The following CBLB variants were observed in gnomAD, a reference collection of about 807,000 sequenced individuals.
CBLB encodes the protein E3 ubiquitin-protein ligase CBL-B.
In CBLB, 31 loss-of-function variants were observed where a neutral mutation model predicts 104.9. That is an observed-to-expected ratio of 0.30 (90% CI 0.22 to 0.40). The LOEUF (loss-of-function observed/expected upper bound fraction) is 0.40. CBLB is among the 10% of genes least tolerant of loss of function. The pLI is 1.00. For synonymous variants in CBLB, 440 were observed against 422.6 expected, an observed-to-expected ratio of 1.04 and a Z score of -0.51; for missense variants, 1,062 against 1,214.6, an observed-to-expected ratio of 0.87 and a Z score of 1.87.
chr3:105,764,584 C>T (rs1465855496), intron 4 of CBLB, among the ~76,000 whole-genome samples: 1 of 152,098 alleles, frequency 6.6e-6, no homozygotes, highest in South Asian at 2.1e-4. Context: ...TTCCCTAAGA[C>T]ACAACAACAC....
At position 105,789,038 on chromosome 3, in the gene CBLB, A is replaced by G. The variant is rs76540356; in HGVS notation, c.420-12496T>C. ...TAGCATCCCAACCAACATTATATGA[A>G]GCAGAAAAAACATTCGGTAAACCCA... On this transcript the variant is annotated intron_variant, in intron 3 of 18. Transcript: ENST00000394030. Among the ~76,000 whole-genome samples the G allele has an allele frequency of 2.8e-3, 431 of 152,340 alleles. 3 individuals carry two copies. The highest frequency in any genetic ancestry group is 0.01 in the African/African-American group (420 of 41,568).
chr3:105,781,629 T>G (rs2080267182), intron 3 of CBLB, among the ~76,000 whole-genome samples: 1 of 152,230 alleles, frequency 6.6e-6, no homozygotes, highest in Admixed American at 6.5e-5. Flanking sequence ...ACACAAAGAA[T>G]GTAATCTAAT....
chr3:105,663,906 G>A (rs202182530), intron 18 of CBLB, among the ~76,000 whole-genome samples: 10 of 142,992 alleles, frequency 7.0e-5, no homozygotes, highest in Admixed American at 7.0e-5. Flanking sequence ...AGCTTATTAG[G>A]AAAAAAAAAA....
intron 3 of CBLB, among the ~76,000 whole-genome samples, chr3:105,800,505 G>A (rs530326075): frequency 6.6e-6 from 1 of 152,106 alleles, no homozygotes; most frequent in Non-Finnish European, 1.5e-5. Flanking sequence ...TTAAGAGCTC[G>A]CCAGATGATT....
In CBLB at chr3:105,685,518, G is replaced by A. The variant is rs368888690; in HGVS notation, c.2055-52C>T. 2.2e-5 allele frequency: 33 copies of A among 1,470,498 alleles called. No homozygotes were observed. In the South Asian group the frequency reaches 3.7e-4, roughly 17 times the overall value. The allele number at this position is 1,470,498 out of a possible 1,614,324, so 91.1% of individuals were successfully genotyped here. A position where few individuals can be genotyped will look rare whatever the true frequency, so the allele number is the denominator to read the frequency against. ...AGTTTAAGCATAATATTCAAAACAG[G>A]CAAGTCTGATGTGACATATTCAAGT... is the stretch of plus-strand genomic sequence containing the variant. On this transcript the variant is annotated intron_variant, in intron 13 of 18. Coordinates refer to ENST00000394030, the MANE Select transcript of CBLB (RefSeq NM_170662.5).
At chr3:105,713,939 G>T (rs1261169519) in intron 10 of CBLB, among the ~76,000 whole-genome samples, 1 of 152,038 alleles carries the variant, frequency 6.6e-6, no homozygotes, top group Non-Finnish European at 1.5e-5. Flanking sequence ...CCATCCTTTA[G>T]TCATTGCAAA....
rs191325435 is a variant in CBLB at position 105,804,705 on chromosome 3, T to G, written c.420-28163A>C. 7.7e-4 allele frequency among the ~76,000 whole-genome samples: 117 copies of G among 152,250 alleles called. 1 individual carries two copies. Among genetic ancestry groups the G allele is most frequent in the Admixed American group, 2.6e-3 (39 of 15,280 alleles). ...AAATTACCTGTACTTACATGATACT[T>G]CTGTTGGATACTGTTGTCCTTAAAG... On this transcript the variant is annotated intron_variant, in intron 3 of 18. Transcript: ENST00000394030.
At chr3:105,751,315 A>C (rs1221563469) in intron 5 of CBLB, 147 bp downstream of exon 5, 1 of 714,996 alleles carries the variant, frequency 1.4e-6, no homozygotes, top group Non-Finnish European at 2.5e-6. Context: ...ATACCAATAA[A>C]ATTACAGACT....
At chr3:105,766,289 G>C (rs1452478683) in intron 4 of CBLB, among the ~76,000 whole-genome samples, 1 of 152,176 alleles carries the variant, frequency 6.6e-6, no homozygotes, top group African/African-American at 2.4e-5. Flanking sequence ...TGAAGATGCT[G>C]TGAACACTGC....
chr3:105,712,895 C>A (rs1057340428), intron 10 of CBLB, among the ~76,000 whole-genome samples: 6 of 152,088 alleles, frequency 3.9e-5, no homozygotes, highest in African/African-American at 1.4e-4. Context: ...TAAAAGAAAA[C>A]CTTCCATAGA....
intron 5 of CBLB, among the ~76,000 whole-genome samples, chr3:105,747,090 G>A (rs573019233): frequency 6.6e-6 from 1 of 152,100 alleles, no homozygotes; most frequent in Non-Finnish European, 1.5e-5. Flanking sequence ...CTGATTAGTT[G>A]TCTCTCCAGT....
At chr3:105,783,120 C>G (rs567129904) in intron 3 of CBLB, among the ~76,000 whole-genome samples, 1 of 152,150 alleles carries the variant, frequency 6.6e-6, no homozygotes, top group Admixed American at 6.5e-5. Flanking sequence ...TTTCTAGTAT[C>G]TTACATATTG....
intron 3 of CBLB, among the ~76,000 whole-genome samples, chr3:105,828,295 C>T (rs1341508204): frequency 6.6e-6 from 1 of 152,090 alleles, no homozygotes; most frequent in Admixed American, 6.6e-5. Context: ...CCAGGAAATG[C>T]TATCTTTACT....
chr3:105,707,777 G>C (rs949345446), intron 10 of CBLB, among the ~76,000 whole-genome samples: 1 of 151,866 alleles, frequency 6.6e-6, no homozygotes, highest in Non-Finnish European at 1.5e-5. Context: ...TTTATTGGAT[G>C]AGATATTAAA....
intron 3 of CBLB, among the ~76,000 whole-genome samples, chr3:105,846,265 A>T (rs1294610819): frequency 6.6e-6 from 1 of 152,044 alleles, no homozygotes; most frequent in Non-Finnish European, 1.5e-5. Flanking sequence ...TTAGTAAACA[A>T]AAAAAGGAGA....
intron 3 of CBLB, among the ~76,000 whole-genome samples, chr3:105,833,229 G>A (rs2087849014): frequency 6.6e-6 from 1 of 152,144 alleles, no homozygotes; most frequent in African/African-American, 2.4e-5. Context: ...CATTCATTCT[G>A]ATCATATAAT....
intron 9 of CBLB, among the ~76,000 whole-genome samples, chr3:105,726,782 T>C (rs369248479): frequency 1.2e-4 from 19 of 152,292 alleles, no homozygotes; most frequent in Middle Eastern, 6.8e-3. Flanking sequence ...AACTTCCACT[T>C]ATGAGTGAGA....
intron 3 of CBLB, among the ~76,000 whole-genome samples, chr3:105,792,577 C>G (rs574677191): frequency 3.9e-5 from 6 of 152,278 alleles, no homozygotes; most frequent in African/African-American, 1.4e-4. Flanking sequence ...TGATAATTCC[C>G]TCATCACCAC....
intron 10 of CBLB, among the ~76,000 whole-genome samples, chr3:105,715,782 T>C (rs913044105): frequency 5.3e-5 from 8 of 152,212 alleles, no homozygotes; most frequent in Non-Finnish European, 7.3e-5. Flanking sequence ...CTCATGCCTG[T>C]AATCCCAGCA....
Sources: gnomAD v4.1 joint callset for allele counts (sites outside exome capture counted in the v4.1 genomes callset) on GRCh38, gnomAD v4.1.1 for gene constraint, MANE v1.5 for transcripts, NCBI Gene and HGNC (gene_info 2026-07-23, HGNC 2026-07-21) for gene names.